Variants in VPS13C observed in about 807,000 individuals in gnomAD.
VPS13C encodes the protein intermembrane lipid transfer protein VPS13C.
VPS13C carries 358 observed loss-of-function variants against 456.8 expected under a neutral mutation model. The ratio of observed to expected loss-of-function variants is 0.78; its 90% confidence interval spans 0.72 to 0.86. The LOEUF is 0.86. Among genes scored for constraint, VPS13C ranks in the 40% least tolerant of loss-of-function variants. The probability of loss-of-function intolerance (pLI) is 0.00; values close to 1 mark genes in which losing one functional copy is unlikely to be tolerated. For synonymous variants in VPS13C, 1,578 were observed against 1,486.7 expected, an observed-to-expected ratio of 1.06 and a Z score of -1.41; for missense variants, 4,818 against 4,385.4, an observed-to-expected ratio of 1.10 and a Z score of -2.79.
At chr15:61,909,928 G>GCATGTTCTC (rs2043255061) in intron 64 of VPS13C, among the ~76,000 whole-genome samples, 1 of 140,118 alleles carries the variant, frequency 7.1e-6, no homozygotes, top group African/African-American at 2.7e-5. Context: ...ATTGAACAAT[G>GCATGTTCTC]AGAACACTTG....
At chr15:61,877,126 T>C (rs1895483980) in intron 74 of VPS13C, 72 bp from the exon 75 acceptor site, 3 of 1,168,972 alleles carry the variant, frequency 2.6e-6, no homozygotes, top group African/African-American at 3.1e-5. Flanking sequence ...AAAATTTGAA[T>C]GACAGCTAAT....
intron 28 of VPS13C, among the ~76,000 whole-genome samples, chr15:61,967,786 G>A (rs2045425711): frequency 6.6e-6 from 1 of 151,830 alleles, no homozygotes; most frequent in African/African-American, 2.4e-5. Flanking sequence ...AAAGAGGAAA[G>A]CTTTGTTTTT....
intron 49 of VPS13C, 151 bp downstream of exon 49, chr15:61,934,068 C>CAGGAA (rs2044146241): frequency 2.3e-6 from 1 of 426,480 alleles, no homozygotes; most frequent in Admixed American, 4.4e-5. Context: ...AGATAGAGGG[C>CAGGAA]AGGACCAATG....
At chr15:61,887,861 G>A (rs1316436763) in intron 67 of VPS13C, among the ~76,000 whole-genome samples, 2 of 151,952 alleles carry the variant, frequency 1.3e-5, no homozygotes, top group Non-Finnish European at 2.9e-5. Context: ...ATAAGTCTGA[G>A]GTAAAATATA....
At chr15:62,059,358 C>G (rs534342900) in intron 1 of VPS13C, among the ~76,000 whole-genome samples, 1 of 152,154 alleles carries the variant, frequency 6.6e-6, no homozygotes, top group Non-Finnish European at 1.5e-5. Flanking sequence ...ACATTTGAGT[C>G]GTTTTTTGAA....
At chr15:62,018,191 G>A (rs967734669) in intron 9 of VPS13C, among the ~76,000 whole-genome samples, 1 of 152,290 alleles carries the variant, frequency 6.6e-6, no homozygotes, top group Non-Finnish European at 1.5e-5. Flanking sequence ...TTGGGGCTGA[G>A]ACGATGGGGT....
chr15:61,880,014 C>T (rs1304490956), intron 73 of VPS13C, among the ~76,000 whole-genome samples: 1 of 151,946 alleles, frequency 6.6e-6, no homozygotes, highest in Admixed American at 6.6e-5. Flanking sequence ...GCCCATTACA[C>T]AAGTTTAGAG....
Position 61,856,356 on chromosome 15 carries a change from C to A in VPS13C, c.11006G>T (p.Trp3669Leu), listed in dbSNP as rs1324252870. ...VEILGLMCVD[W>L]QCPFEDFVFP... ...TACAAAATCTTCAAATGGACATTGCCAGTCTACACACATAAGGCCCAGGAT... is the reference window on the plus strand; with the variant it reads ...TACAAAATCTTCAAATGGACATTGCAAGTCTACACACATAAGGCCCAGGAT... Residue 3669 changes from tryptophan (W) to leucine (L), a missense_variant, in exon 83 of 85, where the codon TGG (tryptophan) becomes TTG (leucine). Physicochemically the swap from Trp to Leu is moderately conservative, Grantham distance 61. Around this residue, in one of 3 missense-constraint regions of VPS13C, gnomAD observed 261 missense variants for 234.1 expected, o/e 1.11. Transcript: ENST00000644861. 3 of 1,613,106 alleles carry A rather than the reference C, an allele frequency of 1.9e-6. No homozygotes were observed. Among genetic ancestry groups the A allele is most frequent in the Non-Finnish European group, 2.5e-6 (3 of 1,179,572 alleles).
intron 81 of VPS13C, chr15:61,865,511 C>T: frequency 1.0e-6 from 1 of 966,912 alleles, no homozygotes; most frequent in South Asian, 4.8e-5. Flanking sequence ...TATTAAATGA[C>T]TATATATACA....
chr15:61,886,146 T>G (rs973717851), intron 67 of VPS13C, among the ~76,000 whole-genome samples: 5 of 152,172 alleles, frequency 3.3e-5, no homozygotes, highest in Non-Finnish European at 7.4e-5. Context: ...TAAAAGACTT[T>G]CCTGGCTTAG....
intron 4 of VPS13C, among the ~76,000 whole-genome samples, chr15:62,034,422 T>C (rs2047916569): frequency 1.3e-5 from 2 of 151,682 alleles, no homozygotes; most frequent in Non-Finnish European, 3.0e-5. Context: ...ATATTGTTCT[T>C]ATAAGTGAAA....
intron 67 of VPS13C, among the ~76,000 whole-genome samples, chr15:61,886,898 C>T (rs1313087760): frequency 2.6e-5 from 4 of 152,104 alleles, no homozygotes; most frequent in African/African-American, 7.2e-5. Context: ...TCTGAGACAA[C>T]TTAAAGGAGA....
chr15:61,971,680 C>G (rs1419035568), intron 27 of VPS13C, among the ~76,000 whole-genome samples: 4 of 152,158 alleles, frequency 2.6e-5, no homozygotes, highest in Non-Finnish European at 5.9e-5. Context: ...GTGACTTAGA[C>G]AGTACAGTAG....
chr15:61,902,863 A>G (rs1250291276), intron 66 of VPS13C, among the ~76,000 whole-genome samples: 1 of 144,208 alleles, frequency 6.9e-6, no homozygotes, highest in African/African-American at 2.6e-5. Flanking sequence ...CAAGCGAAAG[A>G]AAAAAAGGGC....
chr15:61,993,567 T>G (rs1046242387), intron 16 of VPS13C, among the ~76,000 whole-genome samples: 2 of 152,068 alleles, frequency 1.3e-5, no homozygotes, highest in Non-Finnish European at 2.9e-5. Flanking sequence ...CTTAAAGGTG[T>G]GATCAGCATG....
chr15:62,017,440 T>A (rs1022631726), intron 9 of VPS13C, among the ~76,000 whole-genome samples: 2 of 152,202 alleles, frequency 1.3e-5, no homozygotes, highest in Non-Finnish European at 2.9e-5. Context: ...AAGTCTTTAG[T>A]CCATCTTGAA....
rs774267649 is a variant in VPS13C, at chr15:61,967,404, T to G, written c.2955A>C (p.Lys985Asn). The G allele has an allele frequency of 6.2e-7, 1 of 1,606,828 alleles. No homozygotes were observed. Residue 985 changes from lysine to asparagine, a missense_variant, in exon 29 of 85, where the codon AAA (lysine) becomes AAC (asparagine). Physicochemically the swap from Lys to Asn is moderately conservative, Grantham distance 94. Around this residue, in one of 3 missense-constraint regions of VPS13C, gnomAD observed 4,552 missense variants for 4,130.6 expected, o/e 1.10. Transcript: ENST00000644861. ...CCACTTTCAAAAGATCTAATCCAGGTTTGTCAGAAGAGCTAATCAAGTGAA... is the reference window on the plus strand; with the variant it reads ...CCACTTTCAAAAGATCTAATCCAGGGTTGTCAGAAGAGCTAATCAAGTGAA... ...KPLHLISSSD[K>N]PGLDLLKVEY...
intron 81 of VPS13C, chr15:61,864,815 T>C: frequency 1.0e-6 from 1 of 984,258 alleles, no homozygotes; most frequent in Non-Finnish European, 1.2e-6. Flanking sequence ...ACTTTTGCCT[T>C]AATTTCTTCA....
At chr15:61,944,268 AGTAATCCCATTACTGGGT>A (rs1285510463) in intron 45 of VPS13C, among the ~76,000 whole-genome samples, 2 of 152,248 alleles carry the variant, frequency 1.3e-5, no homozygotes, top group Non-Finnish European at 2.9e-5. Flanking sequence ...CATTTGACCC[AGTAATCCCATTACTGGGT>A]ATATAACCAA....
Sources: allele counts gnomAD v4.1 joint callset (sites outside exome capture counted in the v4.1 genomes callset), GRCh38; gene constraint gnomAD v4.1.1; regional missense constraint gnomAD v4.1.1; transcripts MANE v1.5; gene names NCBI Gene and HGNC (gene_info 2026-07-23, HGNC 2026-07-21).